The following MAPT variants were observed in gnomAD, a reference collection of about 807,000 sequenced individuals.
The protein encoded by MAPT is microtubule-associated protein tau.
A neutral mutation model predicts 67.9 loss-of-function variants in MAPT; 34 were observed. The ratio of observed to expected loss-of-function variants is 0.50; its 90% CI spans 0.38 to 0.67. The LOEUF is 0.67. MAPT is among the 30% of genes least tolerant of loss of function. MAPT has a pLI of 0.00. For synonymous variants in MAPT, 456 were observed against 464.5 expected, an observed-to-expected ratio of 0.98 and a Z score of 0.23; for missense variants, 881 against 1,115.2, an observed-to-expected ratio of 0.79 and a Z score of 2.99.
At chr17:45,952,405 C>G (rs1049674717) in intron 1 of MAPT, among the ~76,000 whole-genome samples, 1 of 152,178 alleles carries the variant, frequency 6.6e-6, no homozygotes, top group East Asian at 1.9e-4. Flanking sequence ...ATCACTACCC[C>G]GCCCCAGCCT....
chr17:45,898,970 C>A (rs2143714659), intron 1 of MAPT, among the ~76,000 whole-genome samples: 1 of 152,282 alleles, frequency 6.6e-6, no homozygotes, highest in South Asian at 2.1e-4. Flanking sequence ...CAGAAACACC[C>A]CCCTGGCCAC....
chr17:45,934,999 C>A (rs2067193647), intron 1 of MAPT, among the ~76,000 whole-genome samples: 5 of 152,140 alleles, frequency 3.3e-5, no homozygotes, highest in African/African-American at 9.6e-5. Context: ...ATGTTTTTGT[C>A]TTTTTCTGGC....
chr17:45,913,618 G>A (rs1384386048), intron 1 of MAPT, among the ~76,000 whole-genome samples: 7 of 152,158 alleles, frequency 4.6e-5, no homozygotes, highest in Non-Finnish European at 1.0e-4. Context: ...GGGAGGGAGG[G>A]GCAGATGCTA....
At chr17:45,936,064 C>CTA (rs2067294997) in intron 1 of MAPT, among the ~76,000 whole-genome samples, 5 of 152,218 alleles carry the variant, frequency 3.3e-5, no homozygotes, top group Admixed American at 2.6e-4. Context: ...CAGCATGAAG[C>CTA]CATGCGTGTG....
intron 1 of MAPT, among the ~76,000 whole-genome samples, chr17:45,921,385 G>A (rs2065696686): frequency 6.6e-6 from 1 of 152,202 alleles, no homozygotes; most frequent in African/African-American, 2.4e-5. Flanking sequence ...AGGCTGCTTA[G>A]CATTCCCCAC....
At chr17:45,950,209 G>C (rs1302901243) in intron 1 of MAPT, among the ~76,000 whole-genome samples, 1 of 152,176 alleles carries the variant, frequency 6.6e-6, no homozygotes, top group Non-Finnish European at 1.5e-5. Context: ...GTCATGGGCA[G>C]GTGCCCAGGA....
chr17:45,964,683 A>G (rs1194440508), intron 2 of MAPT, among the ~76,000 whole-genome samples: 1 of 151,422 alleles, frequency 6.6e-6, no homozygotes, highest in Non-Finnish European at 1.5e-5. Flanking sequence ...CCCATGTCAA[A>G]TAATAATAAT....
intron 5 of MAPT, among the ~76,000 whole-genome samples, chr17:45,984,834 T>G (rs1047879151): frequency 1.3e-5 from 2 of 152,190 alleles, no homozygotes; most frequent in African/African-American, 4.8e-5. Flanking sequence ...ACAGGAGACC[T>G]CAGAGCCACA....
chr17:45,962,478 G>A lies in MAPT; in HGVS notation c.133+8G>A. 6.2e-7 allele frequency: 1 copy of A among 1,612,426 alleles called. No individual in the cohort carries two copies. Among genetic ancestry groups the A allele is most frequent in the Non-Finnish European group, 8.5e-7 (1 of 1,179,810 alleles). On this transcript the variant is annotated splice_region_variant and intron_variant, in intron 2 of 12. Transcript: ENST00000262410. ...CGGACGCTGGCCTGAAAGGTTAGTGGACAGCCATGCACAGCAGGCCCAGAT... is the reference window on the plus strand; with the variant it reads ...CGGACGCTGGCCTGAAAGGTTAGTGAACAGCCATGCACAGCAGGCCCAGAT...
At chr17:45,933,812 G>T (rs898371548) in intron 1 of MAPT, among the ~76,000 whole-genome samples, 1 of 149,134 alleles carries the variant, frequency 6.7e-6, no homozygotes, top group Non-Finnish European at 1.5e-5. Context: ...AGTGCTCCAC[G>T]TGTCTTTGCA....
At chr17:46,013,165 AGGGC>A (rs1184847160) in intron 10 of MAPT, among the ~76,000 whole-genome samples, 4 of 152,170 alleles carry the variant, frequency 2.6e-5, no homozygotes, top group Non-Finnish European at 5.9e-5. Context: ...AGGAAGCTCC[AGGGC>A]GGTGCTTCCT....
At chr17:45,901,800 G>T (rs1001364417) in intron 1 of MAPT, among the ~76,000 whole-genome samples, 4 of 151,990 alleles carry the variant, frequency 2.6e-5, no homozygotes, top group Admixed American at 2.0e-4. Flanking sequence ...GAAATTTCTT[G>T]TCTGTTTTGC....
chr17:46,020,962 G>A (rs551704778), intron 12 of MAPT, among the ~76,000 whole-genome samples: 17 of 152,286 alleles, frequency 1.1e-4, no homozygotes, highest in African/African-American at 3.1e-4. Context: ...AGTGGCAGCC[G>A]GGCCGTCTTT....
chr17:45,985,980 T>C (rs887389284), intron 5 of MAPT, among the ~76,000 whole-genome samples: 1 of 152,198 alleles, frequency 6.6e-6, no homozygotes, highest in Non-Finnish European at 1.5e-5. Context: ...GGGAATGTGA[T>C]ATTGAAACCA....
At chr17:45,946,615 A>AAAATATATATAT in intron 1 of MAPT, among the ~76,000 whole-genome samples, 1 of 100,406 alleles carries the variant, frequency 1.0e-5, no homozygotes, top group African/African-American at 4.3e-5. Flanking sequence ...AAAAAAAAAA[A>AAAATATATATAT]ATATATATAT....
At chr17:45,969,509 A>G (rs1057448371) in intron 2 of MAPT, among the ~76,000 whole-genome samples, 3 of 150,390 alleles carry the variant, frequency 2.0e-5, no homozygotes, top group African/African-American at 7.4e-5. Flanking sequence ...CATACATCCA[A>G]TCATATATCT....
intron 1 of MAPT, among the ~76,000 whole-genome samples, chr17:45,928,845 G>A (rs761778865): frequency 2.6e-5 from 4 of 152,146 alleles, no homozygotes; most frequent in South Asian, 2.1e-4. Flanking sequence ...ACAAGTGCTC[G>A]CCACCACGCC....
chr17:45,938,821 T>TG (rs1413502257), intron 1 of MAPT, among the ~76,000 whole-genome samples: 1 of 148,766 alleles, frequency 6.7e-6, no homozygotes, highest in East Asian at 1.9e-4. Flanking sequence ...TTTTTTTTTT[T>TG]TTTTTTTTTT....
In MAPT at chr17:45,989,884, A is replaced by G; in HGVS notation, c.1414A>G (p.Thr472Ala). ...GSDDKKAKTS[T>A]RSSAKTLKNR... Reference sequence around the variant, plus strand: ...ATTTATGTTTATGTTTAAGACATCCACACGTTCCTCTGCTAAAACCTTGAA... The same window carrying G: ...ATTTATGTTTATGTTTAAGACATCCGCACGTTCCTCTGCTAAAACCTTGAA... Residue 472 changes from threonine to alanine, a missense_variant, in exon 7 of 13, where the codon ACA (threonine) becomes GCA (alanine). Transcript: ENST00000262410. The G allele has an allele frequency of 6.2e-7, 1 of 1,614,030 alleles. No homozygotes were observed. Among genetic ancestry groups the G allele is most frequent in the Non-Finnish European group, 8.5e-7 (1 of 1,179,898 alleles).
Sources: gnomAD v4.1 joint callset for allele counts (sites outside exome capture counted in the v4.1 genomes callset) on GRCh38, gnomAD v4.1.1 for gene constraint, MANE v1.5 for transcripts, NCBI Gene and HGNC (gene_info 2026-07-23, HGNC 2026-07-21) for gene names.